The following SLC15A5 variants were observed in gnomAD, a reference collection of about 807,000 sequenced individuals.
SLC15A5 encodes the protein solute carrier family 15 member 5.
In SLC15A5, 58 loss-of-function variants were observed where a neutral mutation model predicts 56.1. The ratio of observed to expected loss-of-function variants is 1.03; its 90% CI spans 0.84 to 1.29. SLC15A5 has a LOEUF of 1.29. Among genes scored for constraint, SLC15A5 ranks in the 50% most tolerant of loss-of-function variants. The pLI is 0.00. For synonymous variants in SLC15A5, 264 were observed against 250.5 expected (o/e 1.05, Z -0.51); for missense variants, 681 against 672.1 (o/e 1.01, Z -0.15).
At chr12:16,213,806 C>T (rs1864105485) in intron 7 of SLC15A5, among the ~76,000 whole-genome samples, 1 of 152,130 alleles carries the variant, frequency 6.6e-6, no homozygotes, top group Non-Finnish European at 1.5e-5. Context: ...CTAAGATGTC[C>T]TCACCATGTG....
intron 5 of SLC15A5, among the ~76,000 whole-genome samples, chr12:16,229,940 T>A (rs1468896573): frequency 6.6e-6 from 1 of 152,138 alleles, no homozygotes; most frequent in Non-Finnish European, 1.5e-5. Context: ...CTTAAGAAGT[T>A]AGCAGGATCA....
At chr12:16,189,850 C>T (rs1433036673) in intron 8 of SLC15A5, 35 bp from the exon 9 acceptor site, 3 of 1,408,886 alleles carry the variant, frequency 2.1e-6, no homozygotes, top group Admixed American at 5.2e-5. Flanking sequence ...TTCTTAGGAC[C>T]AGATGTAGAT....
chr12:16,221,057 C>T (rs980800362), intron 6 of SLC15A5, among the ~76,000 whole-genome samples: 1 of 151,916 alleles, frequency 6.6e-6, no homozygotes, highest in Non-Finnish European at 1.5e-5. Context: ...TGGAGTGATT[C>T]ACTGTGTTTC....
chr12:16,267,192 T>TGCTTATTGTTATTAG (rs1334378889), intron 2 of SLC15A5, among the ~76,000 whole-genome samples: 3 of 120,262 alleles, frequency 2.5e-5, no homozygotes, highest in Non-Finnish European at 3.6e-5. Context: ...ATAGCATTAG[T>TGCTTATTGTTATTAG]GTACCATTTA....
chr12:16,210,030 AT>A (rs1378028960), intron 7 of SLC15A5, among the ~76,000 whole-genome samples: 1 of 152,090 alleles, frequency 6.6e-6, no homozygotes, highest in East Asian at 1.9e-4. Flanking sequence ...TAACTCTCCA[AT>A]GTGACTTCAT....
chr12:16,255,736 GT>G (rs1260827458), intron 3 of SLC15A5, among the ~76,000 whole-genome samples: 2 of 151,792 alleles, frequency 1.3e-5, no homozygotes, highest in Non-Finnish European at 2.9e-5. Flanking sequence ...ATAAATGATA[GT>G]TTGTTACACG....
intron 7 of SLC15A5, among the ~76,000 whole-genome samples, chr12:16,208,809 A>C (rs1007508721): frequency 6.6e-6 from 1 of 152,212 alleles, no homozygotes; most frequent in Non-Finnish European, 1.5e-5. Context: ...GCATTTTTTT[A>C]GTATAAGGAG....
At chr12:16,274,483 T>G (rs1591664446) in intron 1 of SLC15A5, among the ~76,000 whole-genome samples, 1 of 152,290 alleles carries the variant, frequency 6.6e-6, no homozygotes, top group East Asian at 1.9e-4. Context: ...ATAAATTCCT[T>G]ACAGATAAAA....
intron 3 of SLC15A5, among the ~76,000 whole-genome samples, chr12:16,255,265 A>G (rs1864559208): frequency 6.6e-6 from 1 of 152,124 alleles, no homozygotes. Context: ...CCACAACCCT[A>G]TAGAAAAGTT....
At position 16,211,540 on chromosome 12, in the gene SLC15A5, C is replaced by T. The variant is rs116006162; in HGVS notation, c.1483+5353G>A. 4.3e-3 allele frequency among the ~76,000 whole-genome samples: 656 copies of T among 152,224 alleles called. 7 individuals are homozygous for T. Among genetic ancestry groups the T allele is most frequent in the African/African-American group, 0.015 (633 of 41,524 alleles). On this transcript the variant is annotated intron_variant, in intron 7 of 8. Coordinates refer to ENST00000344941, the MANE Select transcript of SLC15A5 (RefSeq NM_001170798.1). Reference sequence around the variant, plus strand: ...TATTTTGCTTCGGATCTTTCAATCGCCTGCATGTCCATAACTAAGATGTCA... The same window carrying T: ...TATTTTGCTTCGGATCTTTCAATCGTCTGCATGTCCATAACTAAGATGTCA...
intron 1 of SLC15A5, among the ~76,000 whole-genome samples, chr12:16,275,910 T>C (rs1195877964): frequency 6.6e-6 from 1 of 151,968 alleles, no homozygotes; most frequent in Non-Finnish European, 1.5e-5. Flanking sequence ...GAAAACTTTT[T>C]CTCGGTACCA....
chr12:16,265,728 C>T (rs1389063992), intron 2 of SLC15A5, among the ~76,000 whole-genome samples: 1 of 152,120 alleles, frequency 6.6e-6, no homozygotes, highest in African/African-American at 2.4e-5. Flanking sequence ...AGCAATCCAC[C>T]CGCTTTGGCC....
At chr12:16,217,099 T>G in intron 6 of SLC15A5, 75 bp from the exon 7 acceptor site, 1 of 1,414,248 alleles carries the variant, frequency 7.1e-7, no homozygotes, top group Non-Finnish European at 9.2e-7. Flanking sequence ...CAAATTGATG[T>G]TGATCATGTA....
intron 3 of SLC15A5, 68 bp downstream of exon 3, chr12:16,257,633 A>G (rs945770213): frequency 8.2e-7 from 1 of 1,212,268 alleles, no homozygotes; most frequent in Non-Finnish European, 1.1e-6. Flanking sequence ...TAAAGAATCA[A>G]AGAGAAAGGA....
intron 5 of SLC15A5, among the ~76,000 whole-genome samples, chr12:16,234,445 T>C (rs992460218): frequency 2.0e-5 from 3 of 152,252 alleles, no homozygotes; most frequent in African/African-American, 7.2e-5. Context: ...ACTAACTTTC[T>C]TAAAATTTAA....
At chr12:16,211,110 GA>G (rs1864076020) in intron 7 of SLC15A5, among the ~76,000 whole-genome samples, 1 of 152,136 alleles carries the variant, frequency 6.6e-6, no homozygotes, top group African/African-American at 2.4e-5. Flanking sequence ...CTCTGAATCT[GA>G]AAATCTCTAA....
chr12:16,233,407 CT>C (rs1400484971), intron 5 of SLC15A5, among the ~76,000 whole-genome samples: 1 of 152,068 alleles, frequency 6.6e-6, no homozygotes, highest in African/African-American at 2.4e-5. Context: ...AAAATTATTT[CT>C]TTTGGAAGGG....
chr12:16,266,904 AT>A (rs1864702945), intron 2 of SLC15A5, among the ~76,000 whole-genome samples: 1 of 152,190 alleles, frequency 6.6e-6, no homozygotes, highest in Non-Finnish European at 1.5e-5. Flanking sequence ...ATAAGTGGTA[AT>A]TTTTTTGTCT....
At chr12:16,255,220 A>ATT (rs1446794841) in intron 3 of SLC15A5, among the ~76,000 whole-genome samples, 1 of 152,104 alleles carries the variant, frequency 6.6e-6, no homozygotes, top group Non-Finnish European at 1.5e-5. Flanking sequence ...AAGATGGTAA[A>ATT]TTTTATATTA....
Sources: gnomAD v4.1 joint callset for allele counts (sites outside exome capture counted in the v4.1 genomes callset) on GRCh38, gnomAD v4.1.1 for gene constraint, MANE v1.5 for transcripts, NCBI Gene and HGNC (gene_info 2026-07-23, HGNC 2026-07-21) for gene names.